The following EFNB1 variants were observed in gnomAD, a reference collection of about 807,000 sequenced individuals.
EFNB1 encodes ephrin B1, also known as ephrin-B1.
In EFNB1, 1 loss-of-function variant was observed where a neutral mutation model predicts 18.1. That is an observed-to-expected ratio of 0.06 (90% confidence interval 0.02 to 0.26). The LOEUF is 0.26. Ranked by LOEUF, EFNB1 falls within the 10% of genes least tolerant of loss-of-function variation. The probability of loss-of-function intolerance (pLI) is 1.00; values close to 1 mark genes in which losing one functional copy is unlikely to be tolerated. For missense variants in EFNB1, 221 were observed against 301.8 expected, an observed-to-expected ratio of 0.73 and a Z score of 1.98; for synonymous variants, 131 against 127.5, an observed-to-expected ratio of 1.03 and a Z score of -0.19.
intron 3 of EFNB1, 58 bp from the exon 4 acceptor site, chrX:68,839,902 T>C: frequency 8.3e-7 from 1 of 1,209,225 alleles, no homozygotes; most frequent in Non-Finnish European, 1.1e-6. Flanking sequence ...CCTTGATGAC[T>C]GAGGGCACCT....
intron 1 of EFNB1, among the ~76,000 whole-genome samples, chrX:68,836,645 A>G (rs1322810134): frequency 8.9e-6 from 1 of 112,555 alleles, no homozygotes; most frequent in African/African-American, 3.2e-5. Flanking sequence ...TATTGCTTGT[A>G]GTACCTTTGG....
At chrX:68,834,511 C>T (rs557245337) in intron 1 of EFNB1, among the ~76,000 whole-genome samples, 3 of 113,252 alleles carry the variant, frequency 2.6e-5, no homozygotes, top group African/African-American at 6.4e-5. Context: ...TGCCCACCCA[C>T]GCCTGGGCGG....
At position 68,840,601 on chromosome X, in the gene EFNB1, A is replaced by G. The variant is rs749494191; in HGVS notation, c.988A>G (p.Ile330Val). The G allele has an allele frequency of 2.5e-6, 3 of 1,209,245 alleles. No individual in the cohort carries two copies. Among genetic ancestry groups the G allele is most frequent in the Admixed American group, 2.2e-5 (1 of 45,832 alleles). Residue 330 changes from isoleucine to valine, a missense_variant, in exon 5 of 5, where the codon ATC becomes GTC. Physicochemically the swap from Ile to Val is conservative, Grantham distance 29. Coordinates refer to ENST00000204961, the MANE Select transcript of EFNB1 (RefSeq NM_004429.5). ...TGGGGACTACGGGCACCCTGTCTAC[A>G]TCGTCCAAGAGATGCCGCCCCAGAG... is the stretch of plus-strand genomic sequence containing the variant. ...VSGDYGHPVY[I>V]VQEMPPQSPA...
chrX:68,840,774 C>A lies in EFNB1; in HGVS notation c.*120C>A, dbSNP rs1295595699. 2.3e-6 allele frequency: 2 copies of A among 871,760 alleles called. No individual in the cohort carries two copies. Among genetic ancestry groups the A allele is most frequent in the Non-Finnish European group, 1.6e-6 (1 of 620,081 alleles). The allele number at this position is 871,760 out of a possible 1,213,427, so 71.8% of individuals were successfully genotyped here. On this transcript the variant is annotated 3_prime_UTR_variant, in exon 5 of 5. Coordinates refer to ENST00000204961, the MANE Select transcript of EFNB1 (RefSeq NM_004429.5). ...ACCTTTGTATTTAGTTTTGTAGTTT[C>A]TTGGCTTTTATAATCCCCCTTTTTC... is the stretch of plus-strand genomic sequence containing the variant.
At chrX:68,838,943 T>C (rs759216120) in intron 2 of EFNB1, 49 bp downstream of exon 2, 11 of 1,164,921 alleles carry the variant, frequency 9.4e-6, no homozygotes, top group Non-Finnish European at 1.2e-5. Context: ...GGCTTAACTC[T>C]TTCCTCTCCT....
chrX:68,840,122 A>G (rs748653660), intron 4 of EFNB1, 34 bp downstream of exon 4: 13 of 1,211,646 alleles, frequency 1.1e-5, no homozygotes, highest in Non-Finnish European at 1.5e-5. Context: ...GTCAGGAGCC[A>G]TTGCTCTGTC....
At chrX:68,832,800 C>T (rs1204319113) in intron 1 of EFNB1, among the ~76,000 whole-genome samples, 2 of 70,259 alleles carry the variant, frequency 2.8e-5, no homozygotes, top group Non-Finnish European at 5.4e-5. Flanking sequence ...TTTTAGGAAC[C>T]TCTGTGTGTG....
chrX:68,836,003 C>T (rs1296161895), intron 1 of EFNB1, among the ~76,000 whole-genome samples: 3 of 111,586 alleles, frequency 2.7e-5, no homozygotes, highest in Admixed American at 9.5e-5. Flanking sequence ...TCTCCCTTTC[C>T]GTGCCCTCTA....
chrX:68,836,316 G>C (rs528076206), intron 1 of EFNB1, among the ~76,000 whole-genome samples: 1 of 111,849 alleles, frequency 8.9e-6, no homozygotes, highest in African/African-American at 3.2e-5. Flanking sequence ...GGCTTTGTAT[G>C]GTGCATGGGA....
In EFNB1 at chrX:68,840,431, C is replaced by G. The variant is rs770815723; in HGVS notation, c.818C>G (p.Thr273Arg). Residue 273 changes from threonine (T) to arginine (R), a missense_variant, in exon 5 of 5, where the codon ACA becomes AGA. By Grantham distance (71) the Thr-to-Arg change is moderately conservative (BLOSUM62 -1). Coordinates refer to ENST00000204961, the MANE Select transcript of EFNB1 (RefSeq NM_004429.5). ...CTACGCAAGCGGCACCGCAAGCACA[C>G]ACAGCAGCGGGCGGCTGCCCTCTCG... The part of the protein sequence containing the change: ...LKLRKRHRKH[T>R]QQRAAALSLS... 2 of 1,212,096 alleles carry G rather than the reference C, an allele frequency of 1.7e-6. No individual in the cohort carries two copies.
rs778863684 is a variant in EFNB1, at chrX:68,839,611, G to A, written c.407-53G>A. ...GAATGGGAGTTTCTGGGTAATGCTA[G>A]TAGACCTTTCTCTCCTCCTGACTTC... On this transcript the variant is annotated intron_variant, in intron 2 of 4. Transcript: ENST00000204961. 5.3e-6 allele frequency: 6 copies of A among 1,132,084 alleles called. No homozygotes were observed. The East Asian group carries it at 1.5e-4, about 29-fold the overall frequency. The allele number at this position is 1,132,084 out of a possible 1,213,427, so 93.3% of individuals were successfully genotyped here.
intron 3 of EFNB1, 50 bp downstream of exon 3, chrX:68,839,806 G>A: frequency 8.4e-7 from 1 of 1,184,157 alleles, no homozygotes; most frequent in South Asian, 1.8e-5. Context: ...TTGACCTTTG[G>A]AACAGATGTT....
chrX:68,829,730 G>A lies in EFNB1; in HGVS notation c.-47G>A. 8.5e-7 allele frequency: 1 copy of A among 1,172,202 alleles called. No homozygotes were observed. The highest frequency in any genetic ancestry group is 1.1e-6 in the Non-Finnish European group (1 of 876,056). On this transcript the variant is annotated 5_prime_UTR_variant, in exon 1 of 5. In the 5' UTR this introduces an upstream ATG that the reference lacks. Transcript: ENST00000204961. ...GCAGAGGAAGGCGAGGCGAGCTTTG[G>A]TGAGGAGGCGCCAAGGGATCCCGAA... is the stretch of plus-strand genomic sequence containing the variant.
At position 68,838,127 on chromosome X, in the gene EFNB1, GTGTA is replaced by G. The variant is rs1475694420; in HGVS notation, c.129-486_129-483del. On this transcript the variant is annotated intron_variant, in intron 1 of 4. Coordinates refer to ENST00000204961, the MANE Select transcript of EFNB1 (RefSeq NM_004429.5). Reference sequence around the variant, plus strand: ...ACATGTGTGGGCTTGCTGTGTGTGTGTGTATGTGTGTGTGTGTGTGTGTGTGTGT... The same window carrying G: ...ACATGTGTGGGCTTGCTGTGTGTGTGTGTGTGTGTGTGTGTGTGTGTGTGT... Among the ~76,000 whole-genome samples the G allele has an allele frequency of 1.1e-4, 8 of 74,073 alleles. No individual in the cohort carries two copies. In the South Asian group the frequency reaches 3.5e-3, roughly 32 times the overall value. 64.3% of individuals were successfully genotyped at this position (74,073 alleles called of 115,157 possible).
At chrX:68,840,162 G>A (rs1261846347) in intron 4 of EFNB1, 74 bp downstream of exon 4, 1 of 1,208,199 alleles carries the variant, frequency 8.3e-7, no homozygotes, top group Non-Finnish European at 1.1e-6. Flanking sequence ...CTGAAGAAAT[G>A]CAAGCTGGGC....
intron 1 of EFNB1, among the ~76,000 whole-genome samples, chrX:68,834,946 C>T (rs2080456811): frequency 8.9e-6 from 1 of 112,569 alleles, no homozygotes; most frequent in African/African-American, 3.2e-5. Flanking sequence ...TGGAGAAGGG[C>T]TTATCCGGAG....
In EFNB1 at chrX:68,829,392, G is replaced by T. The variant is rs187341605; in HGVS notation, c.-385G>T. 2,578 of 216,004 alleles carry T rather than the reference G, an allele frequency of 0.012. 75 individuals carry two copies. Among genetic ancestry groups the T allele is most frequent in the African/African-American group, 0.076 (2,434 of 31,998 alleles). 17.8% of individuals were successfully genotyped at this position (216,004 alleles called of 1,213,427 possible). On this transcript the variant is annotated 5_prime_UTR_variant, in exon 1 of 5. Transcript: ENST00000204961. ...CCGGGACGGTCGAGGCGTCGGGGCGGTCACCGAGACCTCTGCGGGAAGACC... is the reference window on the plus strand; with the variant it reads ...CCGGGACGGTCGAGGCGTCGGGGCGTTCACCGAGACCTCTGCGGGAAGACC...
chrX:68,840,413 A>G lies in EFNB1; in HGVS notation c.800A>G (p.Lys267Arg), dbSNP rs2080474274. The G allele has an allele frequency of 8.3e-7, 1 of 1,210,676 alleles. No homozygotes were observed. Among genetic ancestry groups the G allele is most frequent in the African/African-American group, 1.7e-5 (1 of 57,420 alleles). ...ACGGTCCTACTACTGAAGCTACGCAAGCGGCACCGCAAGCACACACAGCAG... is the reference window on the plus strand; with the variant it reads ...ACGGTCCTACTACTGAAGCTACGCAGGCGGCACCGCAAGCACACACAGCAG... ...FLTVLLLKLR[K>R]RHRKHTQQRA... The change falls in exon 5 of 5, where the codon AAG (lysine) becomes AGG (arginine). Residue 267 changes from lysine (K) to arginine (R), a missense_variant. By Grantham distance (26) the Lys-to-Arg change is conservative (BLOSUM62 2). Coordinates refer to ENST00000204961, the MANE Select transcript of EFNB1 (RefSeq NM_004429.5).
At chrX:68,833,279 T>C (rs877817) in intron 1 of EFNB1, among the ~76,000 whole-genome samples, 12,286 of 111,079 alleles carry the variant, frequency 0.11, 578 homozygotes, top group Admixed American at 0.17. Flanking sequence ...CTCTTCTACT[T>C]TGTGGCTGAT....
Sources: allele counts gnomAD v4.1 joint callset (sites outside exome capture counted in the v4.1 genomes callset), GRCh38; gene constraint gnomAD v4.1.1; transcripts MANE v1.5; gene names NCBI Gene and HGNC (gene_info 2026-07-23, HGNC 2026-07-21).